NEDD4: variants seen among roughly 807,000 people sequenced by gnomAD.
NEDD4 encodes NEDD4 E3 ubiquitin protein ligase.
In NEDD4, 99 loss-of-function variants were observed where a neutral mutation model predicts 144.9. That is an observed-to-expected ratio of 0.68 (90% confidence interval 0.58 to 0.81). The LOEUF (loss-of-function observed/expected upper bound fraction) is 0.81. Ranked by LOEUF, NEDD4 falls within the 30% of genes least tolerant of loss-of-function variation. The probability of loss-of-function intolerance (pLI) is 0.00; values close to 1 mark genes in which losing one functional copy is unlikely to be tolerated. For synonymous variants in NEDD4, 318 were observed against 350.6 expected (o/e 0.91, Z 1.04); for missense variants, 985 against 1,065.9 (o/e 0.92, Z 1.06).
intron 18 of NEDD4, among the ~76,000 whole-genome samples, chr15:55,844,170 G>A (rs1235481324): frequency 6.6e-6 from 1 of 152,050 alleles, no homozygotes; most frequent in Non-Finnish European, 1.5e-5. Flanking sequence ...ATACCTAGAG[G>A]GCACAGAAGG....
chr15:55,948,752 T>C (rs1271095074), intron 4 of NEDD4, among the ~76,000 whole-genome samples: 1 of 152,186 alleles, frequency 6.6e-6, no homozygotes, highest in African/African-American at 2.4e-5. Context: ...GCGAGCCATA[T>C]GTAGAAAGCT....
chr15:55,956,217 G>A (rs2037335876), intron 2 of NEDD4, among the ~76,000 whole-genome samples: 1 of 152,060 alleles, frequency 6.6e-6, no homozygotes, highest in African/African-American at 2.4e-5. Flanking sequence ...GGACATTTAG[G>A]TTGTTTCCAG....
At chr15:55,953,025 T>C (rs1369206096) in intron 2 of NEDD4, among the ~76,000 whole-genome samples, 1 of 151,884 alleles carries the variant, frequency 6.6e-6, no homozygotes, top group Non-Finnish European at 1.5e-5. Flanking sequence ...AGTCTTGCTC[T>C]GTTGCCCAGG....
rs1001073482 is a variant in NEDD4, at chr15:55,850,711, C to A, written c.1178G>T (p.Ser393Ile). ...ATVETSQLTS[S>I]QSSAGPQSQA... ...TGATTGAGGGCCTGCAGAACTCTGG[C>A]TTGAGGTCAGCTGACTGGTCTCCAC... is the stretch of plus-strand genomic sequence containing the variant. Residue 393 changes from serine to isoleucine, a missense_variant, in exon 14 of 29, where the codon AGC (serine) becomes ATC (isoleucine). Coordinates refer to ENST00000435532, the MANE Select transcript of NEDD4 (RefSeq NM_006154.4). 2 of 1,613,850 alleles carry A rather than the reference C, an allele frequency of 1.2e-6. No individual in the cohort carries two copies. The highest frequency in any genetic ancestry group is 1.7e-6 in the Non-Finnish European group (2 of 1,180,022).
chr15:55,985,370 C>T (rs1378515860), intron 1 of NEDD4, among the ~76,000 whole-genome samples: 1 of 152,140 alleles, frequency 6.6e-6, no homozygotes, highest in South Asian at 2.1e-4. Flanking sequence ...GAGGGAGATA[C>T]CATACAGAGA....
chr15:55,962,048 A>T (rs1422299311), intron 2 of NEDD4, among the ~76,000 whole-genome samples: 2 of 152,128 alleles, frequency 1.3e-5, no homozygotes, highest in Non-Finnish European at 2.9e-5. Context: ...TCAAATTTTG[A>T]TTCATATTTT....
chr15:55,854,043 C>T (rs1303599605), intron 12 of NEDD4, among the ~76,000 whole-genome samples: 4 of 151,918 alleles, frequency 2.6e-5, no homozygotes, highest in South Asian at 4.1e-4. Context: ...TCCAGCTACT[C>T]GGGAGGCTGA....
intron 14 of NEDD4, 72 bp downstream of exon 14, chr15:55,850,470 A>G (rs2033938770): frequency 1.4e-6 from 2 of 1,423,576 alleles, no homozygotes; most frequent in Admixed American, 3.7e-5. Flanking sequence ...ACATACTTAA[A>G]GATTTTAAGG....
chr15:55,868,057 A>C (rs1212820441), intron 8 of NEDD4, among the ~76,000 whole-genome samples: 11 of 55,384 alleles, frequency 2.0e-4, no homozygotes, highest in Non-Finnish European at 4.1e-4. Context: ...CTCTGACTCC[A>C]AAAAAAAAAA....
chr15:55,932,234 A>C (rs2036795485), intron 4 of NEDD4, among the ~76,000 whole-genome samples: 1 of 152,232 alleles, frequency 6.6e-6, no homozygotes, highest in Admixed American at 6.5e-5. Flanking sequence ...CAAAAGAACA[A>C]AGCTGGAGGC....
intron 6 of NEDD4, 51 bp downstream of exon 6, chr15:55,873,907 T>C (rs573988188): frequency 3.1e-6 from 3 of 960,340 alleles, no homozygotes; most frequent in South Asian, 2.0e-5. Context: ...TAAGTATTTA[T>C]TAAATTAAAA....
chr15:55,955,810 C>T (rs2037326585), intron 2 of NEDD4, among the ~76,000 whole-genome samples: 1 of 142,958 alleles, frequency 7.0e-6, no homozygotes, highest in South Asian at 2.2e-4. Context: ...AGGATCTATA[C>T]TACATTTTTT....
At position 55,850,486 on chromosome 15, in the gene NEDD4, T is replaced by C. The variant is rs531127552; in HGVS notation, c.1347+56A>G. On this transcript the variant is annotated intron_variant, in intron 14 of 28. Coordinates refer to ENST00000435532, the MANE Select transcript of NEDD4 (RefSeq NM_006154.4). ...CATACTTAAAGATTTTAAGGAACTA[T>C]ACATAAGAGATGATTATTGTTGTTA... 4.1e-4 allele frequency: 635 copies of C among 1,530,308 alleles called. 5 individuals are homozygous for C. In the South Asian group the frequency reaches 6.6e-3, roughly 16 times the overall value. The allele number at this position is 1,530,308 out of a possible 1,614,324, so 94.8% of individuals were successfully genotyped here. A position where few individuals can be genotyped will look rare whatever the true frequency, so the allele number is the denominator to read the frequency against.
chr15:55,919,353 C>A (rs1352976049), intron 5 of NEDD4, among the ~76,000 whole-genome samples: 2 of 152,152 alleles, frequency 1.3e-5, no homozygotes, highest in Non-Finnish European at 2.9e-5. Context: ...AAAAGCACTG[C>A]AGGTGGACAA....
intron 18 of NEDD4, among the ~76,000 whole-genome samples, chr15:55,844,203 AG>A (rs2033641341): frequency 6.6e-6 from 1 of 152,142 alleles, no homozygotes; most frequent in South Asian, 2.1e-4. Flanking sequence ...AGGAAGGGAA[AG>A]AAGGCAGGGA....
At position 55,860,532 on chromosome 15, in the gene NEDD4, T is replaced by C. The variant is rs775562536; in HGVS notation, c.835A>G (p.Asn279Asp). The change falls in exon 11 of 29, where the codon AAC becomes GAC. Residue 279 changes from asparagine to aspartate, a missense_variant. By Grantham distance (23) the Asn-to-Asp change is conservative. Coordinates refer to ENST00000435532, the MANE Select transcript of NEDD4 (RefSeq NM_006154.4). ...IREDEATMYSNQAFPSPPPSS... is the reference protein window; with the variant it reads ...IREDEATMYSDQAFPSPPPSS... ...GGTGGAGGTGATGGGAAGGCCTGGT[T>C]GCTATACATGGTGGCTTCATCTTCT... 6.2e-6 allele frequency: 10 copies of C among 1,614,138 alleles called. No individual in the cohort carries two copies. Among genetic ancestry groups the C allele is most frequent in the South Asian group, 1.1e-5 (1 of 91,082 alleles).
At chr15:55,986,626 G>A (rs375385004) in intron 1 of NEDD4, among the ~76,000 whole-genome samples, 222 of 120,630 alleles carry the variant, frequency 1.8e-3, no homozygotes, top group Middle Eastern at 7.5e-3. Flanking sequence ...GTCTCGCTCC[G>A]TCGCCGAGGC....
rs1017263685 is a variant in NEDD4 at position 55,828,679 on chromosome 15, G to T, written c.*1218C>A. On this transcript the variant is annotated 3_prime_UTR_variant, in exon 29 of 29. Coordinates refer to ENST00000435532, the MANE Select transcript of NEDD4 (RefSeq NM_006154.4). The stretch of plus-strand genomic sequence containing the variant: ...AAACGTTTGATGAATACATGTACAT[G>T]GTCTTTATGTACTTCAGTTTGGTTA... 3 of 152,552 alleles carry T rather than the reference G, an allele frequency of 2.0e-5. No homozygotes were observed. The highest frequency in any genetic ancestry group is 4.8e-5 in the African/African-American group (2 of 41,412). The allele number at this position is 152,552 out of a possible 1,614,324, so 9.4% of individuals were successfully genotyped here. A position where few individuals can be genotyped will look rare whatever the true frequency, so the allele number is the denominator to read the frequency against.
intron 2 of NEDD4, among the ~76,000 whole-genome samples, chr15:55,954,260 T>G (rs1437690549): frequency 6.6e-6 from 1 of 152,176 alleles, no homozygotes; most frequent in African/African-American, 2.4e-5. Context: ...GTGCTCCTCA[T>G]ACCACTCGAA....
Sources: allele counts gnomAD v4.1 joint callset (sites outside exome capture counted in the v4.1 genomes callset), GRCh38; gene constraint gnomAD v4.1.1; transcripts MANE v1.5; gene names NCBI Gene and HGNC (gene_info 2026-07-23, HGNC 2026-07-21).